Variants in MYO3A observed in about 807,000 individuals in gnomAD.
MYO3A encodes the protein myosin-IIIa.
MYO3A carries 180 observed loss-of-function variants against 192.7 expected under a neutral mutation model. The ratio of observed to expected loss-of-function variants is 0.93; its 90% CI spans 0.83 to 1.06. MYO3A has a LOEUF of 1.06. Ranked by LOEUF, MYO3A falls within the 50% of genes least tolerant of loss-of-function variation. MYO3A has a pLI of 0.00. For missense variants in MYO3A, 1,896 were observed against 1,905.0 expected (o/e 1.00, Z 0.09); for synonymous variants, 628 against 645.3 (o/e 0.97, Z 0.41).
At chr10:25,973,568 G>C (rs1439427588) in intron 4 of MYO3A, among the ~76,000 whole-genome samples, 1 of 152,126 alleles carries the variant, frequency 6.6e-6, no homozygotes, top group Non-Finnish European at 1.5e-5. Flanking sequence ...GGTTTTCATA[G>C]GGAATGCTTC....
chr10:25,955,045 T>TA (rs753771931), intron 4 of MYO3A, 37 bp downstream of exon 4: 4 of 1,607,506 alleles, frequency 2.5e-6, no homozygotes, highest in South Asian at 1.1e-5. Context: ...GGTGGAAACT[T>TA]AGAGTGTGGT....
At chr10:26,152,293 C>G (rs149623651) in intron 23 of MYO3A, among the ~76,000 whole-genome samples, 242 of 152,306 alleles carry the variant, frequency 1.6e-3, no homozygotes, top group African/African-American at 5.7e-3. Context: ...TGCTAGGCAC[C>G]GTGCTAAGCA....
chr10:26,195,647 C>T (rs774077178), intron 32 of MYO3A, among the ~76,000 whole-genome samples: 1 of 152,210 alleles, frequency 6.6e-6, no homozygotes, highest in Non-Finnish European at 1.5e-5. Context: ...CCTGCATTCT[C>T]CTCTTCAAAT....
intron 30 of MYO3A, 118 bp downstream of exon 30, chr10:26,174,675 A>AG: frequency 1.2e-6 from 1 of 840,920 alleles, no homozygotes; most frequent in Non-Finnish European, 1.9e-6. Context: ...GGGCCCGCAA[A>AG]CATTTTTAAT....
chr10:26,092,586 C>T (rs1465098506), intron 15 of MYO3A, among the ~76,000 whole-genome samples: 2 of 152,120 alleles, frequency 1.3e-5, no homozygotes, highest in Non-Finnish European at 2.9e-5. Context: ...ACTTTGACAC[C>T]GTTTGAGGCT....
In MYO3A at chr10:26,153,846, A is replaced by G. The variant is rs1229844412; in HGVS notation, c.2636-4A>G. ...GTATATTACATTTTTCTACATTCTCATAGGTAATCTGCCACATTCTAAAAC... is the reference window on the plus strand; with the variant it reads ...GTATATTACATTTTTCTACATTCTCGTAGGTAATCTGCCACATTCTAAAAC... On this transcript the variant is annotated splice_region_variant and splice_polypyrimidine_tract_variant and intron_variant, in intron 23 of 34. Coordinates refer to ENST00000642920, the MANE Select transcript of MYO3A (RefSeq NM_017433.5). 4 of 1,537,192 alleles carry G rather than the reference A, an allele frequency of 2.6e-6. No individual in the cohort carries two copies. Among genetic ancestry groups the G allele is most frequent in the Admixed American group, 1.7e-5 (1 of 59,820 alleles).
At chr10:26,199,008 G>A (rs1299188524) in intron 32 of MYO3A, among the ~76,000 whole-genome samples, 1 of 152,142 alleles carries the variant, frequency 6.6e-6, no homozygotes, top group African/African-American at 2.4e-5. Context: ...CCTCACCTTT[G>A]AGGAGTGATA....
intron 6 of MYO3A, 58 bp downstream of exon 6, chr10:25,997,316 T>G: frequency 7.7e-7 from 1 of 1,295,196 alleles, no homozygotes; most frequent in South Asian, 1.2e-5. Flanking sequence ...TATGATATGA[T>G]TTGATCTTTT....
intron 10 of MYO3A, among the ~76,000 whole-genome samples, chr10:26,028,159 T>C (rs1842643179): frequency 6.6e-6 from 1 of 152,204 alleles, no homozygotes; most frequent in Non-Finnish European, 1.5e-5. Flanking sequence ...TCTCATGTGA[T>C]TTTACAACAA....
At chr10:26,045,364 C>CA (rs1843576808) in intron 10 of MYO3A, among the ~76,000 whole-genome samples, 4 of 114,072 alleles carry the variant, frequency 3.5e-5, no homozygotes, top group African/African-American at 1.3e-4. Context: ...GTATGGGTGG[C>CA]ATTAGATAGA....
intron 10 of MYO3A, among the ~76,000 whole-genome samples, chr10:26,057,513 A>T (rs984272394): frequency 6.6e-6 from 1 of 152,240 alleles, no homozygotes; most frequent in Non-Finnish European, 1.5e-5. Context: ...GTTAGTTTCC[A>T]TTGAAGAAAA....
intron 34 of MYO3A, 62 bp downstream of exon 34, chr10:26,203,169 A>T: frequency 6.5e-7 from 1 of 1,538,912 alleles, no homozygotes; most frequent in South Asian, 1.1e-5. Flanking sequence ...TCATTTCTTA[A>T]GATATTTCAC....
chr10:26,198,464 T>A (rs946289013), intron 32 of MYO3A, among the ~76,000 whole-genome samples: 15 of 152,134 alleles, frequency 9.9e-5, no homozygotes, highest in Admixed American at 9.2e-4. Flanking sequence ...CCCTTCCAAT[T>A]TTATTATTCT....
chr10:26,121,023 A>G (rs1388904552), intron 18 of MYO3A, among the ~76,000 whole-genome samples: 1 of 152,164 alleles, frequency 6.6e-6, no homozygotes, highest in African/African-American at 2.4e-5. Context: ...TCTGAAGACT[A>G]GGCTTTTACA....
At chr10:25,936,714 C>T (rs1004146311) in intron 2 of MYO3A, among the ~76,000 whole-genome samples, 3 of 152,128 alleles carry the variant, frequency 2.0e-5, no homozygotes, top group Non-Finnish European at 4.4e-5. Flanking sequence ...TCATTGGACA[C>T]GTAATTTCTA....
chr10:26,141,268 C>T (rs1331930902), intron 20 of MYO3A, among the ~76,000 whole-genome samples: 12 of 152,198 alleles, frequency 7.9e-5, no homozygotes, highest in Non-Finnish European at 1.6e-4. Context: ...AGAGGACTTT[C>T]TGAAGAAATA....
intron 4 of MYO3A, among the ~76,000 whole-genome samples, chr10:25,994,265 T>C (rs1367889984): frequency 1.3e-5 from 2 of 152,236 alleles, no homozygotes; most frequent in Non-Finnish European, 2.9e-5. Flanking sequence ...TACCATTATG[T>C]AATGGCCTTC....
intron 4 of MYO3A, among the ~76,000 whole-genome samples, chr10:25,961,492 CA>C (rs1837928144): frequency 6.6e-6 from 1 of 151,700 alleles, no homozygotes; most frequent in Non-Finnish European, 1.5e-5. Flanking sequence ...AGAGTCGCTA[CA>C]ATTTATTTGA....
chr10:25,958,424 C>A (rs763005189), intron 4 of MYO3A, among the ~76,000 whole-genome samples: 2 of 151,950 alleles, frequency 1.3e-5, no homozygotes, highest in African/African-American at 4.8e-5. Context: ...TATTTCTGGG[C>A]TCTCTGTTCT....
Sources: allele counts gnomAD v4.1 joint callset (sites outside exome capture counted in the v4.1 genomes callset), GRCh38; gene constraint gnomAD v4.1.1; transcripts MANE v1.5; gene names NCBI Gene and HGNC (gene_info 2026-07-23, HGNC 2026-07-21).